Variants in HERC3 observed in about 807,000 individuals in gnomAD.
The protein encoded by HERC3 is HECT and RLD domain containing E3 ubiquitin protein ligase 3, also known as probable E3 ubiquitin-protein ligase HERC3.
HERC3 carries 58 observed loss-of-function variants against 129.9 expected under a neutral mutation model. The ratio of observed to expected loss-of-function variants is 0.45; its 90% CI spans 0.36 to 0.56. HERC3 has a LOEUF of 0.56. Ranked by LOEUF, HERC3 falls within the 20% of genes least tolerant of loss-of-function variation. HERC3 has a pLI of 0.00. For missense variants in HERC3, 835 were observed against 1,244.2 expected, an observed-to-expected ratio of 0.67 and a Z score of 4.95; for synonymous variants, 430 against 451.0, an observed-to-expected ratio of 0.95 and a Z score of 0.59.
chr4:88,624,740 A>G (rs1725901338), intron 3 of HERC3, among the ~76,000 whole-genome samples: 1 of 152,170 alleles, frequency 6.6e-6, no homozygotes, highest in African/African-American at 2.4e-5. Flanking sequence ...TTTTACTTTC[A>G]CAGTTTATGC....
chr4:88,690,701 T>C (rs914492348), intron 23 of HERC3: 1 of 661,226 alleles, frequency 1.5e-6, no homozygotes, highest in African/African-American at 2.0e-5. Context: ...CATATCTTTG[T>C]CAAGTTATTT....
intron 6 of HERC3, among the ~76,000 whole-genome samples, chr4:88,653,737 G>A (rs1048822438): frequency 6.6e-6 from 1 of 152,204 alleles, no homozygotes; most frequent in African/African-American, 2.4e-5. Context: ...TTTGTTCACT[G>A]TTGGATGTGT....
intron 3 of HERC3, among the ~76,000 whole-genome samples, chr4:88,632,360 T>A (rs939864438): frequency 2.6e-5 from 4 of 152,232 alleles, no homozygotes; most frequent in African/African-American, 7.2e-5. Flanking sequence ...TCTTGTAACG[T>A]AATATCCAAA....
the HERC3 span, among the ~76,000 whole-genome samples, chr4:88,579,501 G>A: frequency 6.6e-6 from 1 of 152,114 alleles, no homozygotes; most frequent in African/African-American, 2.4e-5. Context: ...TGGGGAATAG[G>A]ATGAAGAACT....
chr4:88,543,205 A>G, the HERC3 span, among the ~76,000 whole-genome samples: 3 of 152,230 alleles, frequency 2.0e-5, no homozygotes, highest in African/African-American at 7.2e-5. Context: ...TCTCAGCCCA[A>G]AATCTCCTTA....
At chr4:88,594,499 G>C (rs1358818458) in intron 1 of HERC3, among the ~76,000 whole-genome samples, 1 of 152,068 alleles carries the variant, frequency 6.6e-6, no homozygotes, top group African/African-American at 2.4e-5. Flanking sequence ...CGCCTCCCAG[G>C]CTCAAGCGAA....
At chr4:88,664,619 G>T (rs1042373368) in intron 12 of HERC3, among the ~76,000 whole-genome samples, 6 of 152,186 alleles carry the variant, frequency 3.9e-5, no homozygotes, top group African/African-American at 1.4e-4. Context: ...CTGTATCTCA[G>T]AAATAATTGG....
chr4:88,665,150 A>G (rs1399433226), intron 12 of HERC3, among the ~76,000 whole-genome samples: 1 of 152,240 alleles, frequency 6.6e-6, no homozygotes, highest in Non-Finnish European at 1.5e-5. Flanking sequence ...AGAGATAAAT[A>G]GATAGATGGA....
chr4:88,651,108 T>C (rs1014924100), intron 4 of HERC3, among the ~76,000 whole-genome samples: 1 of 152,192 alleles, frequency 6.6e-6, no homozygotes, highest in Non-Finnish European at 1.5e-5. Context: ...AAGTGCTAGA[T>C]GTTATGTTGT....
the HERC3 span, among the ~76,000 whole-genome samples, chr4:88,544,649 G>A: frequency 6.6e-6 from 1 of 152,194 alleles, no homozygotes; most frequent in African/African-American, 2.4e-5. Flanking sequence ...ATTCACAATA[G>A]CAAAGACTTG....
At chr4:88,587,435 A>G (rs184471251), upstream of HERC3, among the ~76,000 whole-genome samples, 45 of 152,340 alleles carry the variant, frequency 3.0e-4, no homozygotes, top group Admixed American at 1.9e-3. Context: ...GTTACAAGGG[A>G]CAACACAATT....
chr4:88,612,833 A>C (rs1724500929), intron 3 of HERC3, among the ~76,000 whole-genome samples: 1 of 152,060 alleles, frequency 6.6e-6, no homozygotes, highest in African/African-American at 2.4e-5. Flanking sequence ...ACAAAACATA[A>C]GCTTTTTTTT....
intron 3 of HERC3, among the ~76,000 whole-genome samples, chr4:88,634,868 A>G (rs1445880391): frequency 1.3e-5 from 2 of 152,158 alleles, no homozygotes; most frequent in Non-Finnish European, 2.9e-5. Context: ...GAACCAGATG[A>G]ATAGGGCTTA....
At chr4:88,556,725 T>A in the HERC3 span, among the ~76,000 whole-genome samples, 3 of 152,082 alleles carry the variant, frequency 2.0e-5, no homozygotes, top group African/African-American at 7.2e-5. Context: ...TTAGATTCTG[T>A]TGCCTGCCTG....
In HERC3 at chr4:88,605,995, T is replaced by C; in HGVS notation, c.172T>C (p.Cys58Arg). The C allele has an allele frequency of 6.2e-7, 1 of 1,614,108 alleles. No homozygotes were observed. Among genetic ancestry groups the C allele is most frequent in the South Asian group, 1.1e-5 (1 of 91,080 alleles). Residue 58 changes from cysteine to arginine, a missense_variant, in exon 3 of 26, where the codon TGT becomes CGT. Coordinates refer to ENST00000402738, the MANE Select transcript of HERC3 (RefSeq NM_014606.3). ...FLLEDGEVYT[C>R]GLNTKGQLGH... ...GCTGGAAGATGGGGAAGTTTACACA[T>C]GTGGTTTGAACACCAAGGGGCAACT... is the stretch of plus-strand genomic sequence containing the variant.
chr4:88,656,606 A>G (rs1729926034), intron 9 of HERC3: 1 of 152,578 alleles, frequency 6.6e-6, no homozygotes, highest in Non-Finnish European at 1.5e-5. Context: ...CCTCACCTCC[A>G]ACATTGGGAT....
At chr4:88,595,853 T>A in intron 2 of HERC3, among the ~76,000 whole-genome samples, 1 of 135,020 alleles carries the variant, frequency 7.4e-6, no homozygotes, top group East Asian at 2.0e-4. Context: ...TTTTTTTTTT[T>A]TTTTTTTTTT....
chr4:88,697,303 C>T lies in HERC3; in HGVS notation c.2658-6795C>T, dbSNP rs372613997. ...AGCCTCCTCCTCCTCCTCGTCTTCC[C>T]CCTCCTCCTCGTCATCCTCGTACTC... On this transcript the variant is annotated intron_variant, in intron 23 of 25. Transcript: ENST00000402738. 17 of 1,609,628 alleles carry T rather than the reference C, an allele frequency of 1.1e-5. No individual in the cohort carries two copies. The African/African-American group carries it at 2.0e-4, about 19-fold the overall frequency.
chr4:88,655,984 C>G lies in HERC3; in HGVS notation c.1018C>G (p.Pro340Ala). 6.2e-7 allele frequency: 1 copy of G among 1,614,132 alleles called. No homozygotes were observed. Among genetic ancestry groups the G allele is most frequent in the Non-Finnish European group, 8.5e-7 (1 of 1,179,994 alleles). Residue 340 changes from proline (P) to alanine (A), a missense_variant, in exon 9 of 26, where the codon CCT becomes GCT. Physicochemically the swap from Pro to Ala is conservative, Grantham distance 27. Transcript: ENST00000402738. The part of the protein sequence containing the change: ...GHTCNVKCPS[P>A]VKGYWAAHSG... ...CACTTGTAATGTTAAGTGCCCATCT[C>G]CTGTCAAGGGTTACTGGGCTGCCCA...
Sources: allele counts gnomAD v4.1 joint callset (sites outside exome capture counted in the v4.1 genomes callset), GRCh38; gene constraint gnomAD v4.1.1; transcripts MANE v1.5; gene names NCBI Gene and HGNC (gene_info 2026-07-23, HGNC 2026-07-21).